GRB10: variants seen among roughly 807,000 people sequenced by gnomAD.
GRB10 encodes the protein growth factor receptor bound protein 10, also known as growth factor receptor-bound protein 10.
In GRB10, 20 loss-of-function variants were observed where a neutral mutation model predicts 80.9. That is an observed-to-expected ratio of 0.25 (90% CI 0.17 to 0.36). The LOEUF (loss-of-function observed/expected upper bound fraction) is 0.36, where lower values mean the gene tolerates loss of function less well. Among genes scored for constraint, GRB10 ranks in the 10% least tolerant of loss-of-function variants. The probability of loss-of-function intolerance (pLI) is 1.00; values close to 1 mark genes in which losing one functional copy is unlikely to be tolerated. For synonymous variants in GRB10, 291 were observed against 291.5 expected (o/e 1.00, Z 0.02); for missense variants, 548 against 747.7 (o/e 0.73, Z 3.12).
chr7:50,722,950 T>G (rs1293634056), intron 4 of GRB10, among the ~76,000 whole-genome samples: 1 of 152,042 alleles, frequency 6.6e-6, no homozygotes, highest in Non-Finnish European at 1.5e-5. Context: ...AAGGCCACAT[T>G]TACGCCTTAG....
intron 6 of GRB10, among the ~76,000 whole-genome samples, chr7:50,670,738 A>G (rs1195409051): frequency 6.6e-6 from 1 of 152,206 alleles, no homozygotes; most frequent in Admixed American, 6.5e-5. Context: ...ATCAAATGAA[A>G]ATACAAGAAA....
intron 3 of GRB10, among the ~76,000 whole-genome samples, chr7:50,742,563 G>A (rs1047891532): frequency 1.3e-5 from 2 of 152,218 alleles, no homozygotes; most frequent in Admixed American, 6.5e-5. Context: ...CAGAAACTCA[G>A]TGGAGGGGGT....
At chr7:50,624,257 C>A (rs1228792372) in intron 8 of GRB10, among the ~76,000 whole-genome samples, 1 of 152,190 alleles carries the variant, frequency 6.6e-6, no homozygotes, top group Non-Finnish European at 1.5e-5. Flanking sequence ...GACAGCAATG[C>A]CTGGGGATGT....
At chr7:50,760,006 C>G (rs1483004488) in intron 2 of GRB10, among the ~76,000 whole-genome samples, 3 of 152,210 alleles carry the variant, frequency 2.0e-5, no homozygotes, top group Non-Finnish European at 4.4e-5. Flanking sequence ...CAAGCAGGAC[C>G]AACAGGCCCA....
chr7:50,709,155 C>T (rs79887394), intron 4 of GRB10, among the ~76,000 whole-genome samples: 3,207 of 152,322 alleles, frequency 0.021, 123 homozygotes, highest in African/African-American at 0.073. Flanking sequence ...ACAAGCCCAT[C>T]CAGCAAGATC....
intron 4 of GRB10, among the ~76,000 whole-genome samples, chr7:50,711,333 G>A (rs76700318): frequency 0.043 from 6,217 of 145,734 alleles, 440 homozygotes; most frequent in African/African-American, 0.15. Context: ...AATCCTACAC[G>A]ACCCACCATC....
intron 7 of GRB10, among the ~76,000 whole-genome samples, chr7:50,657,227 A>G (rs1010548347): frequency 2.0e-5 from 3 of 152,260 alleles, no homozygotes; most frequent in Admixed American, 2.0e-4. Flanking sequence ...CTCTGGGCAG[A>G]TGGAAAGAGC....
intron 2 of GRB10, chr7:50,779,517 C>G (rs1280534507): frequency 6.6e-6 from 1 of 152,216 alleles, no homozygotes; most frequent in East Asian, 1.9e-4. Context: ...ACCCTCCCTT[C>G]CTACACAGAT....
intron 13 of GRB10, 64 bp from the exon 14 acceptor site, chr7:50,606,478 C>A (rs2048550260): frequency 2.6e-6 from 3 of 1,166,748 alleles, no homozygotes; most frequent in Non-Finnish European, 3.9e-6. Flanking sequence ...ATGTGACAAA[C>A]GCCACAGCAG....
At chr7:50,700,790 T>C (rs867252381) in intron 5 of GRB10, among the ~76,000 whole-genome samples, 4 of 152,246 alleles carry the variant, frequency 2.6e-5, no homozygotes, top group African/African-American at 9.6e-5. Context: ...ACTTTTTATG[T>C]TGACGTCTGA....
intron 3 of GRB10, among the ~76,000 whole-genome samples, chr7:50,745,499 A>C (rs2072734359): frequency 6.6e-6 from 1 of 152,224 alleles, no homozygotes; most frequent in Non-Finnish European, 1.5e-5. Context: ...CCATGACAAC[A>C]CATTACCAAC....
Position 50,680,935 on chromosome 7 carries a change from CAAG to C in GRB10, c.140-6280_140-6278del, listed in dbSNP as rs146390727. Among the ~76,000 whole-genome samples, 370 of 152,232 alleles carry C rather than the reference CAAG, an allele frequency of 2.4e-3. 1 individual carries two copies. Among genetic ancestry groups the C allele is most frequent in the Non-Finnish European group, 4.2e-3 (286 of 68,012 alleles). ...TTGAAACTCCATCCAGACCCTCCTC[CAAG>C]AAGATCCCAATATGACTTACAGATC... On this transcript the variant is annotated intron_variant, in intron 5 of 18. Transcript: ENST00000401949.
intron 2 of GRB10, among the ~76,000 whole-genome samples, chr7:50,771,124 G>C (rs1204827045): frequency 6.6e-6 from 1 of 152,204 alleles, no homozygotes; most frequent in African/African-American, 2.4e-5. Context: ...TTTTTATGGA[G>C]TAAGAGTCCA....
intron 5 of GRB10, among the ~76,000 whole-genome samples, chr7:50,692,852 A>G (rs2062987732): frequency 6.6e-6 from 1 of 152,090 alleles, no homozygotes. Context: ...GCTCCTCTAA[A>G]TTAAAACCTG....
At chr7:50,596,339 GA>G (rs1352646092) in intron 17 of GRB10, among the ~76,000 whole-genome samples, 2 of 152,188 alleles carry the variant, frequency 1.3e-5, no homozygotes, top group Non-Finnish European at 2.9e-5. Context: ...AGGGCTTCCG[GA>G]GACGATGTAC....
At chr7:50,690,683 C>T (rs1389281958) in intron 5 of GRB10, among the ~76,000 whole-genome samples, 1 of 90,278 alleles carries the variant, frequency 1.1e-5, no homozygotes, top group Non-Finnish European at 3.3e-5. Flanking sequence ...AACGAATGAA[C>T]GAATGAATGA....
At chr7:50,748,506 G>C (rs1366874696) in intron 3 of GRB10, among the ~76,000 whole-genome samples, 1 of 152,232 alleles carries the variant, frequency 6.6e-6, no homozygotes, top group Non-Finnish European at 1.5e-5. Context: ...AACAGGCTGG[G>C]AGAATGCGGA....
intron 17 of GRB10, among the ~76,000 whole-genome samples, chr7:50,601,141 C>T (rs950272378): frequency 2.0e-5 from 3 of 152,338 alleles, no homozygotes; most frequent in South Asian, 2.1e-4. Context: ...ACTTGCAGCA[C>T]GCTACATTTG....
At chr7:50,687,355 C>T (rs958318979) in intron 5 of GRB10, among the ~76,000 whole-genome samples, 3 of 152,242 alleles carry the variant, frequency 2.0e-5, no homozygotes, top group Non-Finnish European at 2.9e-5. Flanking sequence ...CCTGCGACTC[C>T]GTAGGCTCCA....
Sources: allele counts gnomAD v4.1 joint callset (sites outside exome capture counted in the v4.1 genomes callset), GRCh38; gene constraint gnomAD v4.1.1; transcripts MANE v1.5; gene names NCBI Gene and HGNC (gene_info 2026-07-23, HGNC 2026-07-21).